Variants in CACNA1G observed in about 807,000 individuals in gnomAD.
CACNA1G encodes calcium voltage-gated channel subunit alpha1 G.
In CACNA1G, 67 loss-of-function variants were observed where a neutral mutation model predicts 219.4. The observed-to-expected ratio is 0.31, with a 90% CI of 0.25 to 0.37. The LOEUF is 0.37. Among genes scored for constraint, CACNA1G ranks in the 10% least tolerant of loss-of-function variants. The pLI is 1.00. For missense variants in CACNA1G, 2,380 were observed against 3,231.4 expected (o/e 0.74, Z 6.39); for synonymous variants, 1,296 against 1,345.3 (o/e 0.96, Z 0.80).
intron 9 of CACNA1G, among the ~76,000 whole-genome samples, chr17:50,581,247 AC>A (rs1286402236): frequency 6.6e-6 from 1 of 151,786 alleles, no homozygotes; most frequent in African/African-American, 2.4e-5. Flanking sequence ...GAAGACAGAG[AC>A]CGAGTCCCAG....
chr17:50,570,557 C>CTGTGTGTGTGTGTGTGTGTGTG (rs3062844), intron 4 of CACNA1G, among the ~76,000 whole-genome samples: 5,719 of 132,566 alleles, frequency 0.043, 270 homozygotes, highest in Middle Eastern at 0.081. Flanking sequence ...CCCCTGCGCT[C>CTGTGTGTGTGTGTGTGTGTGTG]TGTGTGTGTG....
Position 50,621,635 on chromosome 17 carries a change from C to G in CACNA1G, c.5926-25C>G, listed in dbSNP as rs757642313. On this transcript the variant is annotated intron_variant, in intron 34 of 37. Coordinates refer to ENST00000359106, the MANE Select transcript of CACNA1G (RefSeq NM_018896.5). This position sits in a 1 kb window ranked among gnomAD's most constrained non-coding sequence, Gnocchi z 4.6. ...GTGTGCGCTGTCCTGGTTTCTCATG[C>G]CTGATCATCTCTCTCCCTGTCTAGA... is the stretch of plus-strand genomic sequence containing the variant. 1 of 1,611,636 alleles carries G rather than the reference C, an allele frequency of 6.2e-7. No individual in the cohort carries two copies.
chr17:50,602,673 A>AG, intron 19 of CACNA1G, 147 bp from the exon 20 acceptor site: 1 of 673,540 alleles, frequency 1.5e-6, no homozygotes. Flanking sequence ...CGTGTATGAG[A>AG]GGGGCGTGAT....
rs1208433156 is a variant in CACNA1G, at chr17:50,624,436, G to A, written c.6306G>A (p.Leu2102=). 3 of 1,598,276 alleles carry A rather than the reference G, an allele frequency of 1.9e-6. No homozygotes were observed. The highest frequency in any genetic ancestry group is 4.5e-5 in the East Asian group (2 of 44,066). Residue 2102 remains leucine, a synonymous_variant, in exon 37 of 38, where the codon CTG becomes CTA. Transcript: ENST00000359106. ...AGCTTCCCAAAGATGCACCTCATCT[G>A]CTCCAGCCCCACAGCGCCCCAACCT... The part of the protein sequence containing the change: ...ILQLPKDAPH[L]LQPHSAPTWG...
intron 1 of CACNA1G, among the ~76,000 whole-genome samples, chr17:50,564,568 G>GTGAGTGAGTGACGC (rs953202197): frequency 6.6e-6 from 1 of 151,652 alleles, no homozygotes; most frequent in Non-Finnish European, 1.5e-5. Flanking sequence ...AGAAGTGAGT[G>GTGAGTGAGTGACGC]TGAGTGAGTG....
At chr17:50,605,328 C>T (rs890080701) in intron 22 of CACNA1G, among the ~76,000 whole-genome samples, 1 of 152,194 alleles carries the variant, frequency 6.6e-6, no homozygotes, top group South Asian at 2.1e-4. Flanking sequence ...CTTTCTGCTA[C>T]CTGCTGGCTA....
chr17:50,624,755 A>G (rs961798124), intron 37 of CACNA1G, among the ~76,000 whole-genome samples: 3 of 152,198 alleles, frequency 2.0e-5, no homozygotes, highest in African/African-American at 7.2e-5. Flanking sequence ...AGGCCTGGAG[A>G]CCAGAAGGGG....
chr17:50,618,465 C>A lies in CACNA1G; in HGVS notation c.5427+122C>A. On this transcript the variant is annotated intron_variant, in intron 32 of 37. Coordinates refer to ENST00000359106, the MANE Select transcript of CACNA1G (RefSeq NM_018896.5). This position sits in a 1 kb window ranked among gnomAD's most constrained non-coding sequence, Gnocchi z 5.3. ...TGACCTTCTCTCCCCCGTGCTAGAA[C>A]ACTCTGGAACTCCCTCTCCCAGGAA... 3 of 1,338,926 alleles carry A rather than the reference C, an allele frequency of 2.2e-6. No individual in the cohort carries two copies. Among genetic ancestry groups the A allele is most frequent in the Non-Finnish European group, 2.1e-6 (2 of 957,566 alleles). The allele number at this position is 1,338,926 out of a possible 1,614,324, so 82.9% of individuals were successfully genotyped here.
At chr17:50,624,669 G>C (rs1482700254) in intron 37 of CACNA1G, 140 bp downstream of exon 37, 6 of 889,862 alleles carry the variant, frequency 6.7e-6, no homozygotes, top group Non-Finnish European at 1.0e-5. Flanking sequence ...GCAGATACCA[G>C]GGACACAGTA....
intron 34 of CACNA1G, 50 bp downstream of exon 34, chr17:50,619,876 G>T (rs774226590): frequency 6.6e-7 from 1 of 1,510,540 alleles, no homozygotes. Context: ...GCTGGGCTGT[G>T]CCACGCTGTG....
chr17:50,587,606 GAGA>G (rs780689928), intron 9 of CACNA1G, among the ~76,000 whole-genome samples: 2 of 152,250 alleles, frequency 1.3e-5, no homozygotes, highest in African/African-American at 4.8e-5. Context: ...CGGGGCCCTG[GAGA>G]AGAAGTGGCA....
chr17:50,577,467 C>T (rs568232394), intron 8 of CACNA1G, among the ~76,000 whole-genome samples: 3 of 147,862 alleles, frequency 2.0e-5, no homozygotes, highest in Non-Finnish European at 3.0e-5. Flanking sequence ...TGCGTGTATG[C>T]GTCTATGTCC....
At chr17:50,565,586 A>G (rs1323146813) in intron 1 of CACNA1G, among the ~76,000 whole-genome samples, 7 of 151,730 alleles carry the variant, frequency 4.6e-5, no homozygotes, top group Non-Finnish European at 7.4e-5. Context: ...TTTCTCCTCA[A>G]CGTTCCTTAG....
In CACNA1G at chr17:50,597,064, C is replaced by A. The variant is rs375658304; in HGVS notation, c.3258+141C>A. On this transcript the variant is annotated intron_variant, in intron 16 of 37. Transcript: ENST00000359106. Reference sequence around the variant, plus strand: ...GGGCCTGGGTGTGCCTGGACAAGCCCCTGGGGAATCTGCGCCGGTGATGCA... The same window carrying A: ...GGGCCTGGGTGTGCCTGGACAAGCCACTGGGGAATCTGCGCCGGTGATGCA... 150 of 833,946 alleles carry A rather than the reference C, an allele frequency of 1.8e-4. 3 individuals carry two copies. The highest frequency in any genetic ancestry group is 1.8e-3 in the East Asian group (66 of 36,978). 51.7% of individuals were successfully genotyped at this position (833,946 alleles called of 1,614,324 possible). A position where few individuals can be genotyped will look rare whatever the true frequency, so the allele number is the denominator to read the frequency against.
chr17:50,587,077 T>C (rs2043135072), intron 9 of CACNA1G, among the ~76,000 whole-genome samples: 1 of 152,096 alleles, frequency 6.6e-6, no homozygotes, highest in African/African-American at 2.4e-5. Flanking sequence ...CTTCCACAGC[T>C]GGGGGTGGCC....
At chr17:50,581,797 G>T (rs1325447919) in intron 9 of CACNA1G, among the ~76,000 whole-genome samples, 3 of 152,258 alleles carry the variant, frequency 2.0e-5, no homozygotes, top group Non-Finnish European at 2.9e-5. Flanking sequence ...CAGCCTACAT[G>T]TGTGCCCCAT....
rs187274914 is a variant in CACNA1G at position 50,610,958 on chromosome 17, T to C, written c.4759+1023T>C. Among the ~76,000 whole-genome samples, 617 of 152,084 alleles carry C rather than the reference T, an allele frequency of 4.1e-3. 7 individuals are homozygous for C. Among genetic ancestry groups the C allele is most frequent in the African/African-American group, 0.013 (555 of 41,484 alleles). ...GGTTTCTTTCAAGCTTTTTGAAGTA[T>C]TGGAAAGAACATAAGGGCCGGGCAC... On this transcript the variant is annotated intron_variant, in intron 26 of 37. Transcript: ENST00000359106.
At chr17:50,613,357 A>G (rs761579846) in intron 26 of CACNA1G, among the ~76,000 whole-genome samples, 2 of 152,138 alleles carry the variant, frequency 1.3e-5, no homozygotes, top group Non-Finnish European at 2.9e-5. Context: ...GGGTGTTTGT[A>G]CAGACCTCAG....
At chr17:50,613,526 G>T (rs944695279) in intron 26 of CACNA1G, among the ~76,000 whole-genome samples, 4 of 152,182 alleles carry the variant, frequency 2.6e-5, no homozygotes, top group African/African-American at 9.7e-5. Context: ...GCTCCGTTTG[G>T]CCTGGAACTG....
Sources: allele counts gnomAD v4.1 joint callset (sites outside exome capture counted in the v4.1 genomes callset), GRCh38; gene constraint gnomAD v4.1.1; non-coding constraint Gnocchi (gnomAD v3.1); transcripts MANE v1.5; gene names NCBI Gene and HGNC (gene_info 2026-07-23, HGNC 2026-07-21).